Variants in CAB39L observed in about 807,000 individuals in gnomAD.
CAB39L encodes calcium binding protein 39 like.
Under a neutral mutation model 39.1 loss-of-function variants are expected in CAB39L, and 23 were observed. The ratio of observed to expected loss-of-function variants is 0.59; its 90% CI spans 0.42 to 0.83. The LOEUF (loss-of-function observed/expected upper bound fraction) is 0.83, where lower values mean the gene tolerates loss of function less well. CAB39L is among the 40% of genes least tolerant of loss of function. The probability of loss-of-function intolerance (pLI) is 0.00; values close to 1 mark genes in which losing one functional copy is unlikely to be tolerated. For synonymous variants in CAB39L, 126 were observed against 137.2 expected (o/e 0.92, Z 0.57); for missense variants, 366 against 391.9 (o/e 0.93, Z 0.56).
intron 3 of CAB39L, among the ~76,000 whole-genome samples, chr13:49,429,641 A>AG (rs1360328329): frequency 2.6e-5 from 4 of 152,210 alleles, no homozygotes; most frequent in Admixed American, 2.6e-4. Flanking sequence ...AATTTAATAT[A>AG]GTTTAGTTAA....
intron 9 of CAB39L, among the ~76,000 whole-genome samples, chr13:49,335,096 A>G (rs1030857877): frequency 6.6e-6 from 1 of 152,218 alleles, no homozygotes; most frequent in Admixed American, 6.5e-5. Flanking sequence ...TCCAAAAAGA[A>G]AAAACAAAAA....
At chr13:49,363,048 G>T (rs143545588) in intron 5 of CAB39L, among the ~76,000 whole-genome samples, 8 of 152,154 alleles carry the variant, frequency 5.3e-5, no homozygotes, top group Non-Finnish European at 1.2e-4. Flanking sequence ...ACAAACAAAA[G>T]CTGAGGGATT....
chr13:49,344,148 G>A, intron 8 of CAB39L, 31 bp downstream of exon 8: 3 of 1,335,192 alleles, frequency 2.2e-6, no homozygotes, highest in Non-Finnish European at 3.2e-6. Context: ...GAGAGAAAGT[G>A]GGAAAGTCTT....
At chr13:49,441,535 C>G (rs1369219153) in intron 1 of CAB39L, among the ~76,000 whole-genome samples, 2 of 152,076 alleles carry the variant, frequency 1.3e-5, no homozygotes, top group East Asian at 3.9e-4. Context: ...CCACTGTATT[C>G]CAGCCTGGGC....
chr13:49,382,719 A>C, intron 4 of CAB39L, 81 bp downstream of exon 4: 1 of 839,178 alleles, frequency 1.2e-6, no homozygotes. Flanking sequence ...CATATTTTGA[A>C]TTCTTCATTA....
intron 3 of CAB39L, among the ~76,000 whole-genome samples, chr13:49,426,654 T>C (rs1284743664): frequency 6.6e-6 from 1 of 152,196 alleles, no homozygotes; most frequent in African/African-American, 2.4e-5. Flanking sequence ...CTCGTTCCCC[T>C]GACCTCGTGA....
intron 3 of CAB39L, among the ~76,000 whole-genome samples, chr13:49,420,063 TTTAGA>T (rs1400029263): frequency 6.6e-6 from 1 of 152,200 alleles, no homozygotes; most frequent in Non-Finnish European, 1.5e-5. Flanking sequence ...ACGCATTAAC[TTTAGA>T]TTAGAGGATG....
intron 3 of CAB39L, among the ~76,000 whole-genome samples, chr13:49,391,023 A>G (rs1208301818): frequency 6.6e-6 from 1 of 152,224 alleles, no homozygotes; most frequent in Non-Finnish European, 1.5e-5. Flanking sequence ...AATGGTTATT[A>G]CACAGAGGGA....
intron 10 of CAB39L, among the ~76,000 whole-genome samples, chr13:49,328,811 G>A (rs1442638384): frequency 1.3e-5 from 2 of 152,048 alleles, no homozygotes; most frequent in Admixed American, 1.3e-4. Context: ...CTCCAGCCTG[G>A]GCAACATAGT....
At chr13:49,336,987 CA>C (rs1954866625) in intron 9 of CAB39L, among the ~76,000 whole-genome samples, 1 of 152,102 alleles carries the variant, frequency 6.6e-6, no homozygotes. Flanking sequence ...AGTTTCTACA[CA>C]AAGGGGAAAC....
chr13:49,374,557 TA>T (rs1355331400), intron 5 of CAB39L, among the ~76,000 whole-genome samples: 65 of 152,234 alleles, frequency 4.3e-4, no homozygotes, highest in Non-Finnish European at 2.8e-4. Flanking sequence ...TCAAAATTTT[TA>T]ATTTATATTT....
At chr13:49,328,798 G>A (rs1161480890) in intron 10 of CAB39L, among the ~76,000 whole-genome samples, 4 of 152,162 alleles carry the variant, frequency 2.6e-5, no homozygotes, top group African/African-American at 7.2e-5. Context: ...TCACACTACT[G>A]CACTCCAGCC....
intron 4 of CAB39L, among the ~76,000 whole-genome samples, chr13:49,378,578 G>T (rs1358909129): frequency 4.0e-5 from 3 of 75,722 alleles, no homozygotes; most frequent in African/African-American, 7.7e-5. Flanking sequence ...CCCCGTCCGG[G>T]AGGGAGGTGG....
chr13:49,397,902 C>T (rs12427592), intron 3 of CAB39L, among the ~76,000 whole-genome samples: 20,696 of 152,056 alleles, frequency 0.14, 1,561 homozygotes, highest in Middle Eastern at 0.2. Flanking sequence ...ATTCAGTTTT[C>T]ATTCTTTCTT....
chr13:49,407,861 C>CAAAAAAA (rs35392956), intron 3 of CAB39L, among the ~76,000 whole-genome samples: 1 of 114,106 alleles, frequency 8.8e-6, no homozygotes, highest in African/African-American at 3.4e-5. Flanking sequence ...GACCCCGTCT[C>CAAAAAAA]AAAAAAAAAA....
At chr13:49,355,313 T>C (rs1955455444) in intron 6 of CAB39L, among the ~76,000 whole-genome samples, 1 of 151,802 alleles carries the variant, frequency 6.6e-6, no homozygotes, top group Non-Finnish European at 1.5e-5. Flanking sequence ...GCCTAGGAGG[T>C]TGAGACTATA....
At chr13:49,422,245 A>C (rs558050914) in intron 3 of CAB39L, among the ~76,000 whole-genome samples, 11 of 152,324 alleles carry the variant, frequency 7.2e-5, no homozygotes, top group African/African-American at 2.6e-4. Flanking sequence ...AGTATTTCCA[A>C]GGAATTTTAG....
intron 1 of CAB39L, among the ~76,000 whole-genome samples, chr13:49,441,791 A>G (rs1368637573): frequency 6.6e-6 from 1 of 152,190 alleles, no homozygotes; most frequent in Non-Finnish European, 1.5e-5. Context: ...ATACCCCATC[A>G]TACCTCATAT....
intron 6 of CAB39L, among the ~76,000 whole-genome samples, chr13:49,358,105 G>A (rs1370273863): frequency 6.6e-6 from 1 of 152,176 alleles, no homozygotes; most frequent in Non-Finnish European, 1.5e-5. Flanking sequence ...TACTTATCTT[G>A]TTGTGGAGCC....
Sources: gnomAD v4.1 joint callset for allele counts (sites outside exome capture counted in the v4.1 genomes callset) on GRCh38, gnomAD v4.1.1 for gene constraint, MANE v1.5 for transcripts, NCBI Gene and HGNC (gene_info 2026-07-23, HGNC 2026-07-21) for gene names.